The following PARP4 variants were observed in gnomAD, a reference collection of about 807,000 sequenced individuals.
The protein encoded by PARP4 is poly(ADP-ribose) polymerase family member 4.
A neutral mutation model predicts 187.7 loss-of-function variants in PARP4; 120 were observed. The observed-to-expected ratio is 0.64, with a 90% CI of 0.55 to 0.74. The LOEUF is 0.74. Among genes scored for constraint, PARP4 ranks in the 30% least tolerant of loss-of-function variants. The pLI is 0.00. For missense variants in PARP4, 1,836 were observed against 2,070.5 expected (o/e 0.89, Z 2.20); for synonymous variants, 654 against 740.9 (o/e 0.88, Z 1.90).
chr13:24,433,916 A>G (rs1488586677), intron 31 of PARP4, among the ~76,000 whole-genome samples: 2 of 152,242 alleles, frequency 1.3e-5, no homozygotes, highest in African/African-American at 4.8e-5. Context: ...AGCTTAACAA[A>G]TGGAGTGATA....
chr13:24,439,027 A>G (rs1870782311), intron 30 of PARP4, among the ~76,000 whole-genome samples: 1 of 152,222 alleles, frequency 6.6e-6, no homozygotes, highest in South Asian at 2.1e-4. Context: ...AAGCTAATGG[A>G]TAATATTTTT....
intron 1 of PARP4, among the ~76,000 whole-genome samples, chr13:24,504,304 G>GTTTTTTTTTTTTTTTTTTTTT (rs1447515666): frequency 9.3e-6 from 1 of 107,880 alleles, no homozygotes. Context: ...CTGCATTTAG[G>GTTTTTTTTTTTTTTTTTTTTT]TTCTTTTTTT....
intron 15 of PARP4, among the ~76,000 whole-genome samples, chr13:24,472,030 T>G (rs1175859994): frequency 2.0e-5 from 3 of 152,308 alleles, no homozygotes; most frequent in Admixed American, 6.5e-5. Flanking sequence ...CTTTGTATGA[T>G]CTACCATGCT....
chr13:24,495,430 A>G (rs1001872545), intron 6 of PARP4, among the ~76,000 whole-genome samples: 27 of 152,200 alleles, frequency 1.8e-4, no homozygotes, highest in African/African-American at 6.5e-4. Context: ...AAGAACTGTT[A>G]GAGACGGGCA....
At chr13:24,425,852 A>G (rs1227891405) in intron 33 of PARP4, among the ~76,000 whole-genome samples, 1 of 151,856 alleles carries the variant, frequency 6.6e-6, no homozygotes, top group Non-Finnish European at 1.5e-5. Context: ...GGGCACTGGC[A>G]TGGGGTCTGG....
intron 14 of PARP4, among the ~76,000 whole-genome samples, chr13:24,476,428 G>A (rs1274151693): frequency 1.3e-5 from 2 of 152,138 alleles, no homozygotes; most frequent in Non-Finnish European, 2.9e-5. Context: ...TTATAGTGTG[G>A]AAGGGCTCGG....
intron 10 of PARP4, among the ~76,000 whole-genome samples, chr13:24,489,257 A>G (rs192799139): frequency 3.3e-4 from 51 of 152,270 alleles, no homozygotes; most frequent in Middle Eastern, 3.4e-3. Flanking sequence ...TCCCATCAGC[A>G]ATGTGTGATG....
intron 2 of PARP4, among the ~76,000 whole-genome samples, chr13:24,503,275 G>A (rs2004595): frequency 0.13 from 19,710 of 152,226 alleles, 1,626 homozygotes; most frequent in East Asian, 0.3. Context: ...TCACCCCAGC[G>A]TTGACATACT....
At chr13:24,430,501 A>G (rs566328831) in intron 32 of PARP4, among the ~76,000 whole-genome samples, 28 of 151,808 alleles carry the variant, frequency 1.8e-4, no homozygotes, top group African/African-American at 6.8e-4. Context: ...AAAAAATACA[A>G]AAATTAGTCA....
At chr13:24,510,913 G>A (rs1045870577) in intron 1 of PARP4, among the ~76,000 whole-genome samples, 1 of 151,950 alleles carries the variant, frequency 6.6e-6, no homozygotes, top group Non-Finnish European at 1.5e-5. Context: ...CCTTTCACCC[G>A]GCCTACTTAG....
chr13:24,487,581 G>A (rs938795939), intron 10 of PARP4, among the ~76,000 whole-genome samples: 11 of 152,184 alleles, frequency 7.2e-5, no homozygotes, highest in Non-Finnish European at 1.6e-4. Context: ...ATGAGGGACA[G>A]AGAGACCCCA....
Position 24,499,549 on chromosome 13 carries a change from T to C in PARP4, c.402-173A>G, listed in dbSNP as rs149383619. Among the ~76,000 whole-genome samples, 196 of 152,298 alleles carry C rather than the reference T, an allele frequency of 1.3e-3. 3 individuals carry two copies. In the East Asian group the frequency reaches 0.02, roughly 16 times the overall value. On this transcript the variant is annotated intron_variant, in intron 4 of 33. Coordinates refer to ENST00000381989, the MANE Select transcript of PARP4 (RefSeq NM_006437.4). ...AGGCCTCCTTAGCTCTTCCAGAAAT[T>C]GTTAAAAGATCATTGGAAATGAGCT...
chr13:24,490,233 G>A (rs979406185), intron 10 of PARP4, among the ~76,000 whole-genome samples: 1 of 151,848 alleles, frequency 6.6e-6, no homozygotes, highest in Non-Finnish European at 1.5e-5. Context: ...GGTATGCACA[G>A]TGAATGAGGG....
At chr13:24,481,390 T>C (rs563916764) in intron 12 of PARP4, among the ~76,000 whole-genome samples, 1 of 152,230 alleles carries the variant, frequency 6.6e-6, no homozygotes, top group Non-Finnish European at 1.5e-5. Flanking sequence ...TCAAGTCTTA[T>C]TATTTAAGAA....
chr13:24,467,329 T>C (rs1162645523), intron 17 of PARP4, among the ~76,000 whole-genome samples: 1 of 152,200 alleles, frequency 6.6e-6, no homozygotes, highest in Admixed American at 6.5e-5. Flanking sequence ...ACAAACAGTA[T>C]ATTAAGAGTT....
intron 32 of PARP4, among the ~76,000 whole-genome samples, chr13:24,429,540 G>C (rs887193107): frequency 5.3e-5 from 8 of 152,164 alleles, no homozygotes; most frequent in African/African-American, 1.7e-4. Flanking sequence ...TTATCCCTAT[G>C]TCCTGGGGTA....
At chr13:24,508,184 CA>C (rs67281877) in intron 1 of PARP4, among the ~76,000 whole-genome samples, 18,802 of 151,154 alleles carry the variant, frequency 0.12, 1,316 homozygotes, top group Non-Finnish European at 0.16. Context: ...AAACAACACA[CA>C]AAAAAAAACA....
At chr13:24,433,749 G>A (rs1429122202) in intron 31 of PARP4, among the ~76,000 whole-genome samples, 2 of 79,054 alleles carry the variant, frequency 2.5e-5, no homozygotes, top group Non-Finnish European at 4.7e-5. Flanking sequence ...TACCTGACTT[G>A]CCCCAAATCA....
At chr13:24,466,796 C>CA (rs34197201) in intron 17 of PARP4, among the ~76,000 whole-genome samples, 33,491 of 90,584 alleles carry the variant, frequency 0.37, 5,659 homozygotes, top group South Asian at 0.52. Context: ...GACTCTGTCT[C>CA]AAAAAAAAAA....
Sources: allele counts gnomAD v4.1 joint callset (sites outside exome capture counted in the v4.1 genomes callset), GRCh38; gene constraint gnomAD v4.1.1; transcripts MANE v1.5; gene names NCBI Gene and HGNC (gene_info 2026-07-23, HGNC 2026-07-21).